The following ABI1 variants were observed in gnomAD, a reference collection of about 807,000 sequenced individuals.
ABI1 encodes the protein Abelson interactor 1.
In ABI1, 14 loss-of-function variants were observed where a neutral mutation model predicts 54.6. That is an observed-to-expected ratio of 0.26 (90% CI 0.17 to 0.40). The LOEUF (loss-of-function observed/expected upper bound fraction) is 0.40, where lower values mean the gene tolerates loss of function less well. ABI1 is among the 10% of genes least tolerant of loss of function. The pLI is 1.00. For synonymous variants in ABI1, 194 were observed against 209.3 expected (o/e 0.93, Z 0.63); for missense variants, 443 against 598.3 (o/e 0.74, Z 2.71).
Position 26,855,163 on chromosome 10 carries a change from ACTTAAC to A in ABI1, c.117+5578_117+5583del, listed in dbSNP as rs373373005. Among the ~76,000 whole-genome samples, 406 of 152,356 alleles carry A rather than the reference ACTTAAC, an allele frequency of 2.7e-3. 1 individual carries two copies. The highest frequency in any genetic ancestry group is 9.3e-3 in the African/African-American group (388 of 41,586). Reference sequence around the variant, plus strand: ...GTCCCAAGCATTTTGAATAAAGGATACTTAACCTGTAGTTGAACACTTCAAATGCCA... The same window carrying A: ...GTCCCAAGCATTTTGAATAAAGGATACTGTAGTTGAACACTTCAAATGCCA... On this transcript the variant is annotated intron_variant, in intron 1 of 10. Coordinates refer to ENST00000376140, the MANE Select transcript of ABI1 (RefSeq NM_001012750.3).
chr10:26,811,414 A>G (rs2047219951), intron 2 of ABI1, among the ~76,000 whole-genome samples: 1 of 152,192 alleles, frequency 6.6e-6, no homozygotes, highest in South Asian at 2.1e-4. Flanking sequence ...TAAAGCAAGC[A>G]TGCTTAATTA....
intron 1 of ABI1, among the ~76,000 whole-genome samples, chr10:26,858,178 A>G (rs928203301): frequency 6.6e-6 from 1 of 152,232 alleles, no homozygotes; most frequent in Non-Finnish European, 1.5e-5. Flanking sequence ...GAAGAGATAT[A>G]TATTTAGGAA....
intron 10 of ABI1, among the ~76,000 whole-genome samples, chr10:26,749,916 C>T (rs1308446202): frequency 6.6e-6 from 1 of 152,110 alleles, no homozygotes; most frequent in Non-Finnish European, 1.5e-5. Context: ...GGCTTTATAC[C>T]AAACAAAGTG....
chr10:26,796,105 G>A (rs1307472765), intron 2 of ABI1, among the ~76,000 whole-genome samples: 1 of 151,878 alleles, frequency 6.6e-6, no homozygotes, highest in Non-Finnish European at 1.5e-5. Context: ...TAAAATAAAA[G>A]AGCTCAAATA....
chr10:26,800,070 A>G (rs993302838), intron 2 of ABI1, among the ~76,000 whole-genome samples: 12 of 152,108 alleles, frequency 7.9e-5, no homozygotes, highest in African/African-American at 2.7e-4. Flanking sequence ...TACTGCCTTC[A>G]AAAAGTCATC....
intron 1 of ABI1, among the ~76,000 whole-genome samples, chr10:26,824,101 T>C (rs562864897): frequency 6.9e-6 from 1 of 145,340 alleles, no homozygotes; most frequent in Non-Finnish European, 1.5e-5. Context: ...AAAAAAAAAA[T>C]GGAACAGAGA....
intron 2 of ABI1, among the ~76,000 whole-genome samples, chr10:26,811,352 A>G (rs2133566482): frequency 6.6e-6 from 1 of 152,300 alleles, no homozygotes; most frequent in South Asian, 2.1e-4. Context: ...ATATTAGTGT[A>G]TCTCTACTAT....
At chr10:26,848,978 T>A (rs1010182622) in intron 1 of ABI1, among the ~76,000 whole-genome samples, 1 of 152,170 alleles carries the variant, frequency 6.6e-6, no homozygotes, top group Non-Finnish European at 1.5e-5. Context: ...GGATGCTCAA[T>A]ATACATAGTA....
At chr10:26,853,312 TAA>T (rs370875442) in intron 1 of ABI1, among the ~76,000 whole-genome samples, 151 of 143,068 alleles carry the variant, frequency 1.1e-3, no homozygotes, top group African/African-American at 3.8e-3. Flanking sequence ...TTTTTTTTTT[TAA>T]AAAAAATCCC....
intron 2 of ABI1, among the ~76,000 whole-genome samples, chr10:26,819,352 G>A (rs1011921576): frequency 6.6e-6 from 1 of 152,148 alleles, no homozygotes; most frequent in Non-Finnish European, 1.5e-5. Flanking sequence ...GCTTTACAAA[G>A]ATAAAGGGTC....
At chr10:26,753,053 T>A (rs1361059142) in intron 9 of ABI1, among the ~76,000 whole-genome samples, 2 of 152,174 alleles carry the variant, frequency 1.3e-5, no homozygotes, top group Admixed American at 1.3e-4. Flanking sequence ...TAGTCTACCC[T>A]CCTTGGAATA....
At chr10:26,800,414 T>A (rs2046471108) in intron 2 of ABI1, among the ~76,000 whole-genome samples, 1 of 151,938 alleles carries the variant, frequency 6.6e-6, no homozygotes, top group African/African-American at 2.4e-5. Context: ...CTGAATCTAA[T>A]CACAAGGAAG....
chr10:26,836,703 G>A (rs1055944041), intron 1 of ABI1, among the ~76,000 whole-genome samples: 1 of 152,130 alleles, frequency 6.6e-6, no homozygotes, highest in Non-Finnish European at 1.5e-5. Context: ...AAAACTGAGG[G>A]TGAAAATGTA....
chr10:26,841,797 T>C (rs1325333976), intron 1 of ABI1, among the ~76,000 whole-genome samples: 1 of 152,204 alleles, frequency 6.6e-6, no homozygotes, highest in Non-Finnish European at 1.5e-5. Context: ...TAATATTCCA[T>C]TATATATGCA....
chr10:26,765,367 T>A (rs1564468604), intron 6 of ABI1, 49 bp from the exon 7 acceptor site: 35 of 1,329,018 alleles, frequency 2.6e-5, no homozygotes, highest in African/African-American at 4.5e-5. Context: ...GAGACATATT[T>A]AAAAAAAAAC....
At chr10:26,754,307 A>G (rs1444631302) in intron 9 of ABI1, among the ~76,000 whole-genome samples, 2 of 151,958 alleles carry the variant, frequency 1.3e-5, no homozygotes, top group African/African-American at 4.8e-5. Flanking sequence ...ATGCCACTAC[A>G]CCTGGCTAAT....
chr10:26,798,644 A>G (rs2046354511), intron 2 of ABI1, among the ~76,000 whole-genome samples: 1 of 151,674 alleles, frequency 6.6e-6, no homozygotes, highest in Non-Finnish European at 1.5e-5. Context: ...GATTTGTTAC[A>G]GCAACTATAG....
intron 7 of ABI1, chr10:26,763,970 T>C (rs759149814): frequency 3.7e-6 from 6 of 1,603,384 alleles, no homozygotes; most frequent in Non-Finnish European, 5.1e-6. Context: ...TCTAATAAAA[T>C]AGTTTATAAT....
chr10:26,833,555 G>A (rs922650915), intron 1 of ABI1, among the ~76,000 whole-genome samples: 1 of 152,124 alleles, frequency 6.6e-6, no homozygotes, highest in Non-Finnish European at 1.5e-5. Flanking sequence ...ATATACTTAA[G>A]TATTACTAAT....
Sources: gnomAD v4.1 joint callset for allele counts (sites outside exome capture counted in the v4.1 genomes callset) on GRCh38, gnomAD v4.1.1 for gene constraint, MANE v1.5 for transcripts, NCBI Gene and HGNC (gene_info 2026-07-23, HGNC 2026-07-21) for gene names.